Variants in GLG1 observed in about 807,000 individuals in gnomAD.
GLG1 encodes the protein golgi glycoprotein 1, also known as Golgi apparatus protein 1.
Under a neutral mutation model 160.5 loss-of-function variants are expected in GLG1, and 38 were observed. That is an observed-to-expected ratio of 0.24 (90% CI 0.18 to 0.31). The LOEUF (loss-of-function observed/expected upper bound fraction) is 0.31. GLG1 is among the 10% of genes least tolerant of loss of function. GLG1 has a pLI of 1.00. For synonymous variants in GLG1, 644 were observed against 543.4 expected, an observed-to-expected ratio of 1.19 and a Z score of -2.57; for missense variants, 1,373 against 1,505.2, an observed-to-expected ratio of 0.91 and a Z score of 1.45.
At chr16:74,466,378 G>A (rs1203840848) in intron 18 of GLG1, among the ~76,000 whole-genome samples, 1 of 152,222 alleles carries the variant, frequency 6.6e-6, no homozygotes, top group Non-Finnish European at 1.5e-5. Flanking sequence ...TTTTAAGGTA[G>A]TGAATTAAGT....
intron 1 of GLG1, among the ~76,000 whole-genome samples, chr16:74,533,111 G>A (rs1437078433): frequency 6.6e-6 from 1 of 151,878 alleles, no homozygotes; most frequent in Non-Finnish European, 1.5e-5. Flanking sequence ...ACAAGGTCAG[G>A]AGATCGAGAC....
chr16:74,456,390 G>A (rs1378527663), intron 25 of GLG1, among the ~76,000 whole-genome samples: 4 of 152,210 alleles, frequency 2.6e-5, no homozygotes, highest in Non-Finnish European at 4.4e-5. Context: ...TCGATCTCCT[G>A]ACCTCGTGAT....
chr16:74,515,793 T>C (rs1448210662), intron 2 of GLG1, among the ~76,000 whole-genome samples: 1 of 151,586 alleles, frequency 6.6e-6, no homozygotes, highest in Non-Finnish European at 1.5e-5. Context: ...TGTGCTGTAT[T>C]CAGGAAACCC....
chr16:74,514,007 T>C (rs900424441), intron 2 of GLG1, among the ~76,000 whole-genome samples: 7 of 152,086 alleles, frequency 4.6e-5, no homozygotes, highest in African/African-American at 9.7e-5. Context: ...TAAGCTTCAA[T>C]AGTCGATTTG....
chr16:74,523,124 C>T (rs962559688), intron 2 of GLG1, among the ~76,000 whole-genome samples: 2 of 152,130 alleles, frequency 1.3e-5, no homozygotes, highest in Non-Finnish European at 2.9e-5. Flanking sequence ...ATTTATGGAG[C>T]ACAAGAGATA....
At position 74,577,671 on chromosome 16, in the gene GLG1, T is replaced by C. The variant is rs2019043057; in HGVS notation, c.438+28986A>G. 2.0e-5 allele frequency among the ~76,000 whole-genome samples: 3 copies of C among 152,068 alleles called. No individual in the cohort carries two copies. The South Asian group carries it at 6.2e-4, about 32-fold the overall frequency. ...TTCTGTCACCCAGGATGGAGGGTAG[T>C]GGCATCATCATGGTTCACTGCAAGC... is the stretch of plus-strand genomic sequence containing the variant. On this transcript the variant is annotated intron_variant, in intron 1 of 25. Transcript: ENST00000422840.
Position 74,506,018 on chromosome 16 carries a change from A to C in GLG1, c.559-2272T>G, listed in dbSNP as rs557182265. On this transcript the variant is annotated intron_variant, in intron 3 of 25. Transcript: ENST00000422840. ...GCACTTCAGCCCCGGTGACAATGAGAGACTCCATCTTAAAAAAAAAAAAAA... is the reference window on the plus strand; with the variant it reads ...GCACTTCAGCCCCGGTGACAATGAGCGACTCCATCTTAAAAAAAAAAAAAA... Among the ~76,000 whole-genome samples, 176 of 92,706 alleles carry C rather than the reference A, an allele frequency of 1.9e-3. 4 individuals carry two copies. The highest frequency in any genetic ancestry group is 7.3e-3 in the Admixed American group (52 of 7,170). The allele number at this position is 92,706 out of a possible 152,430, so 60.8% of individuals were successfully genotyped here.
intron 16 of GLG1, 106 bp downstream of exon 16, chr16:74,469,879 G>A (rs2015134011): frequency 5.1e-6 from 4 of 777,332 alleles, no homozygotes; most frequent in Admixed American, 3.6e-5. Flanking sequence ...GGCCTCCAGG[G>A]CTAACCCCAC....
At chr16:74,466,907 G>C (rs2015019864) in intron 18 of GLG1, among the ~76,000 whole-genome samples, 1 of 152,144 alleles carries the variant, frequency 6.6e-6, no homozygotes, top group African/African-American at 2.4e-5. Flanking sequence ...TGCTCCAATT[G>C]CCTAACACGA....
In GLG1 at chr16:74,485,796, A is replaced by G; in HGVS notation, c.1571T>C (p.Met524Thr). The G allele has an allele frequency of 6.2e-7, 1 of 1,612,160 alleles. No individual in the cohort carries two copies. The highest frequency in any genetic ancestry group is 8.5e-7 in the Non-Finnish European group (1 of 1,178,790). The change falls in exon 9 of 26, where the codon ATG becomes ACG. Residue 524 changes from methionine to threonine, a missense_variant and splice_region_variant. Coordinates refer to ENST00000422840, the MANE Select transcript of GLG1 (RefSeq NM_001145667.2). ...AAATACCATGGAGAAGATAACTTAC[A>G]TTGGGTCTCCAGATCTTATATGTTT... is the stretch of plus-strand genomic sequence containing the variant. The part of the protein sequence containing the change: ...ACKHIRSGDP[M>T]ILSCLMEHLY...
intron 4 of GLG1, 30 bp downstream of exon 4, chr16:74,503,501 C>G (rs762067403): frequency 7.0e-7 from 1 of 1,434,492 alleles, no homozygotes; most frequent in Non-Finnish European, 9.8e-7. Flanking sequence ...TTTAAGACCC[C>G]TTTGTTGAAG....
chr16:74,466,506 T>C (rs1052408309), intron 18 of GLG1, among the ~76,000 whole-genome samples: 7 of 152,002 alleles, frequency 4.6e-5, no homozygotes, highest in African/African-American at 1.7e-4. Flanking sequence ...TTCCGGGAAA[T>C]CGTCAAGGCA....
chr16:74,557,138 A>G (rs1162029659), intron 1 of GLG1, among the ~76,000 whole-genome samples: 1 of 152,206 alleles, frequency 6.6e-6, no homozygotes, highest in Non-Finnish European at 1.5e-5. Context: ...GGTTATTACA[A>G]TCATTGTATA....
chr16:74,469,362 G>A (rs2015115925), intron 16 of GLG1: 5 of 394,412 alleles, frequency 1.3e-5, no homozygotes, highest in Admixed American at 3.8e-5. Flanking sequence ...TGACCACAGA[G>A]GAATGCTGCT....
intron 6 of GLG1, among the ~76,000 whole-genome samples, chr16:74,493,696 A>G (rs531566784): frequency 6.6e-6 from 1 of 152,382 alleles, no homozygotes; most frequent in African/African-American, 2.4e-5. Flanking sequence ...AAAGCCATCA[A>G]CTATTCTTGC....
At chr16:74,559,572 T>C (rs919061637) in intron 1 of GLG1, among the ~76,000 whole-genome samples, 11 of 152,208 alleles carry the variant, frequency 7.2e-5, no homozygotes, top group African/African-American at 2.7e-4. Flanking sequence ...TCTCTCCTCC[T>C]CAAACCTCTC....
intron 2 of GLG1, among the ~76,000 whole-genome samples, chr16:74,521,045 A>G (rs1302378994): frequency 1.3e-5 from 2 of 152,214 alleles, no homozygotes; most frequent in Non-Finnish European, 2.9e-5. Flanking sequence ...ACTATTTTCC[A>G]TAAGAGAGTA....
At chr16:74,534,529 T>G (rs955104210) in intron 1 of GLG1, among the ~76,000 whole-genome samples, 5 of 152,160 alleles carry the variant, frequency 3.3e-5, no homozygotes, top group African/African-American at 1.2e-4. Context: ...ATTTTCAAAA[T>G]AATGTCAAAT....
intron 1 of GLG1, among the ~76,000 whole-genome samples, chr16:74,596,866 C>T (rs1287815546): frequency 6.6e-6 from 1 of 152,136 alleles, no homozygotes; most frequent in African/African-American, 2.4e-5. Flanking sequence ...CCTATAATTC[C>T]AGCACTCTGG....
Sources: allele counts gnomAD v4.1 joint callset (sites outside exome capture counted in the v4.1 genomes callset), GRCh38; gene constraint gnomAD v4.1.1; transcripts MANE v1.5; gene names NCBI Gene and HGNC (gene_info 2026-07-23, HGNC 2026-07-21).